Variants in FAM135B observed in about 807,000 individuals in gnomAD.
The protein encoded by FAM135B is protein FAM135B.
In FAM135B, 43 loss-of-function variants were observed where a neutral mutation model predicts 127.7. That is an observed-to-expected ratio of 0.34 (90% confidence interval 0.26 to 0.43). FAM135B has a LOEUF of 0.43. Ranked by LOEUF, FAM135B falls within the 20% of genes least tolerant of loss-of-function variation. The pLI is 1.00. For synonymous variants in FAM135B, 670 were observed against 665.1 expected (o/e 1.01, Z -0.11); for missense variants, 1,558 against 1,725.6 (o/e 0.90, Z 1.72).
At chr8:138,189,951 C>T (rs934127281) in intron 9 of FAM135B, among the ~76,000 whole-genome samples, 4 of 152,158 alleles carry the variant, frequency 2.6e-5, no homozygotes, top group African/African-American at 9.7e-5. Flanking sequence ...TTCCCAAATA[C>T]CTTGTTCTGC....
At chr8:138,450,102 C>T (rs753509555) in intron 1 of FAM135B, among the ~76,000 whole-genome samples, 11 of 152,170 alleles carry the variant, frequency 7.2e-5, no homozygotes, top group Non-Finnish European at 1.3e-4. Context: ...CAAGGAAAAG[C>T]TATGCCTTTT....
chr8:138,228,007 T>C (rs1002850182), intron 7 of FAM135B, among the ~76,000 whole-genome samples: 5 of 152,334 alleles, frequency 3.3e-5, no homozygotes, highest in African/African-American at 1.2e-4. Flanking sequence ...TTATAGCTTC[T>C]ACTGCCTTCT....
At chr8:138,465,782 A>AT (rs34679807) in intron 1 of FAM135B, among the ~76,000 whole-genome samples, 63,446 of 145,796 alleles carry the variant, frequency 0.44, 15,173 homozygotes, top group East Asian at 0.76. Flanking sequence ...GTTTCACCTG[A>AT]TTTTTTTTTT....
chr8:138,409,223 T>A (rs1833711959), intron 1 of FAM135B, among the ~76,000 whole-genome samples: 1 of 152,102 alleles, frequency 6.6e-6, no homozygotes, highest in South Asian at 2.1e-4. Flanking sequence ...AGTATTGTTG[T>A]GTCTCCAGGA....
Position 138,496,984 on chromosome 8 carries a change from A to G in FAM135B, c.-333T>C, listed in dbSNP as rs4909802. On this transcript the variant is annotated 5_prime_UTR_variant, in exon 1 of 20. Transcript: ENST00000395297. ...CGGCCTCCGGGCAGCCCCAGCGAGC[A>G]GGCGCCAGGACGCGAGGCTGTCAGC... 0.3 allele frequency among the ~76,000 whole-genome samples: 44,844 copies of G among 151,790 alleles called. 10,805 individuals carry two copies. Among genetic ancestry groups the G allele is most frequent in the African/African-American group, 0.67 (27,550 of 41,390 alleles).
intron 1 of FAM135B, among the ~76,000 whole-genome samples, chr8:138,384,309 G>A: frequency 6.6e-6 from 1 of 152,186 alleles, no homozygotes; most frequent in Non-Finnish European, 1.5e-5. Context: ...TGGGAGGCTA[G>A]TGGTTGCCTA....
At chr8:138,231,454 A>C (rs576472601) in intron 7 of FAM135B, among the ~76,000 whole-genome samples, 1 of 152,300 alleles carries the variant, frequency 6.6e-6, no homozygotes, top group South Asian at 2.1e-4. Flanking sequence ...ATCAGTGCAA[A>C]ATAAATGGCT....
Position 138,152,504 on chromosome 8 carries a change from G to A in FAM135B, c.1971C>T (p.Ser657=), listed in dbSNP as rs759023363. ...TLREPLDIRS[S]LKDSHTEEQE... is the part of the protein sequence containing the mutation. Reference sequence around the variant, plus strand: ...GCTCTTCTGTGTGAGAGTCCTTTAGGGAAGACCTAATATCTAAGGGCTCCC... The same window carrying A: ...GCTCTTCTGTGTGAGAGTCCTTTAGAGAAGACCTAATATCTAAGGGCTCCC... Residue 657 remains serine (S), a synonymous_variant, in exon 13 of 20, where the codon TCC becomes TCT. Transcript: ENST00000395297. 23 of 1,613,988 alleles carry A rather than the reference G, an allele frequency of 1.4e-5. No homozygotes were observed. Among genetic ancestry groups the A allele is most frequent in the Non-Finnish European group, 1.9e-5 (23 of 1,180,020 alleles).
chr8:138,204,200 C>G (rs1817379952), intron 7 of FAM135B, among the ~76,000 whole-genome samples: 1 of 152,186 alleles, frequency 6.6e-6, no homozygotes, highest in Non-Finnish European at 1.5e-5. Context: ...TGTTTTCCTC[C>G]AGAGCTTTAG....
intron 7 of FAM135B, among the ~76,000 whole-genome samples, chr8:138,201,141 C>G (rs566575077): frequency 1.5e-4 from 23 of 152,190 alleles, no homozygotes; most frequent in African/African-American, 3.1e-4. Context: ...GCACCAAATA[C>G]AGTAGTCATG....
intron 1 of FAM135B, among the ~76,000 whole-genome samples, chr8:138,461,767 C>T (rs1837134656): frequency 6.6e-6 from 1 of 152,164 alleles, no homozygotes; most frequent in Non-Finnish European, 1.5e-5. Context: ...TAAACCCAGG[C>T]CTGCCTTCCT....
rs1450317487 is a variant in FAM135B at position 138,176,075 on chromosome 8, ACT to A, written c.1103+1270_1103+1271del. 2.0e-5 allele frequency among the ~76,000 whole-genome samples: 3 copies of A among 152,300 alleles called. No homozygotes were observed. The East Asian group carries it at 5.8e-4, about 29-fold the overall frequency. ...AAAAAACAAGAAGGACAGAAACATA[ACT>A]CTCTCAAGGACCAACTGCTAATAAA... is the stretch of plus-strand genomic sequence containing the variant. On this transcript the variant is annotated intron_variant, in intron 11 of 19. Transcript: ENST00000395297.
chr8:138,228,190 T>C (rs938687369), intron 7 of FAM135B, among the ~76,000 whole-genome samples: 10 of 152,146 alleles, frequency 6.6e-5, no homozygotes, highest in African/African-American at 2.4e-4. Flanking sequence ...CCCAAGTCTA[T>C]CCCTTTTGGA....
chr8:138,177,920 G>C (rs1471021181), intron 10 of FAM135B, among the ~76,000 whole-genome samples: 1 of 152,212 alleles, frequency 6.6e-6, no homozygotes, highest in African/African-American at 2.4e-5. Context: ...TGGTGGCAGA[G>C]AAACACACAG....
At chr8:138,403,453 C>T (rs1833271180) in intron 1 of FAM135B, among the ~76,000 whole-genome samples, 1 of 152,144 alleles carries the variant, frequency 6.6e-6, no homozygotes, top group Admixed American at 6.6e-5. Context: ...TTCTCAACAA[C>T]ATAGAGTTCT....
Position 138,250,745 on chromosome 8 carries a change from C to T in FAM135B, c.542+96G>A, listed in dbSNP as rs575530939. 407 of 1,349,192 alleles carry T rather than the reference C, an allele frequency of 3.0e-4. 1 individual carries two copies. The African/African-American group carries it at 3.8e-3, about 13-fold the overall frequency. The allele number at this position is 1,349,192 out of a possible 1,614,324, so 83.6% of individuals were successfully genotyped here. ...CTGCAGCCTTAGAGAAACTCCCTTG[C>T]GTGTGCTGATCTCTCCTGGAAAACT... On this transcript the variant is annotated intron_variant, in intron 6 of 19. Coordinates refer to ENST00000395297, the MANE Select transcript of FAM135B (RefSeq NM_015912.4).
chr8:138,208,475 G>C (rs950205156), intron 7 of FAM135B, among the ~76,000 whole-genome samples: 3 of 152,022 alleles, frequency 2.0e-5, no homozygotes, highest in African/African-American at 4.8e-5. Flanking sequence ...TCTAAGTGTT[G>C]TTTTATCAGC....
chr8:138,465,977 T>C (rs561102948), intron 1 of FAM135B, among the ~76,000 whole-genome samples: 7 of 152,296 alleles, frequency 4.6e-5, no homozygotes, highest in Admixed American at 1.3e-4. Context: ...GGTTTCACTG[T>C]GTTGGCCAGG....
At chr8:138,338,779 T>C (rs1247891072) in intron 2 of FAM135B, among the ~76,000 whole-genome samples, 1 of 152,140 alleles carries the variant, frequency 6.6e-6, no homozygotes, top group Admixed American at 6.6e-5. Flanking sequence ...CAAAGGATTA[T>C]AAATCATGCT....
Sources: allele counts gnomAD v4.1 joint callset (sites outside exome capture counted in the v4.1 genomes callset), GRCh38; gene constraint gnomAD v4.1.1; transcripts MANE v1.5; gene names NCBI Gene and HGNC (gene_info 2026-07-23, HGNC 2026-07-21).